The following ERBB4 variants were observed in gnomAD, a reference collection of about 807,000 sequenced individuals.
The protein encoded by ERBB4 is erb-b2 receptor tyrosine kinase 4.
A neutral mutation model predicts 158.0 loss-of-function variants in ERBB4; 42 were observed. That is an observed-to-expected ratio of 0.27 (90% CI 0.21 to 0.34). The LOEUF is 0.34. Ranked by LOEUF, ERBB4 falls within the 10% of genes least tolerant of loss-of-function variation. ERBB4 has a pLI of 1.00. For missense variants in ERBB4, 1,333 were observed against 1,624.1 expected (o/e 0.82, Z 3.08); for synonymous variants, 583 against 558.7 (o/e 1.04, Z -0.61).
At chr2:211,702,328 T>A (rs971353191) in intron 11 of ERBB4, among the ~76,000 whole-genome samples, 162 bp from the exon 12 acceptor site, 1 of 152,224 alleles carries the variant, frequency 6.6e-6, no homozygotes, top group Non-Finnish European at 1.5e-5. Flanking sequence ...ATACAGTTTT[T>A]AAAGTAATAA....
chr2:211,780,177 C>G (rs181308927), intron 4 of ERBB4, among the ~76,000 whole-genome samples: 15 of 151,806 alleles, frequency 9.9e-5, no homozygotes, highest in Non-Finnish European at 2.2e-4. Flanking sequence ...GCCTGGGTAA[C>G]GTAGGGAGAG....
intron 20 of ERBB4, among the ~76,000 whole-genome samples, chr2:211,455,530 T>G (rs761838188): frequency 6.6e-5 from 10 of 152,208 alleles, no homozygotes; most frequent in Non-Finnish European, 1.3e-4. Context: ...AAGCTTCAAA[T>G]GTCTATATGC....
chr2:212,453,070 G>A (rs11689233), intron 1 of ERBB4, among the ~76,000 whole-genome samples: 23,362 of 152,000 alleles, frequency 0.15, 1,966 homozygotes, highest in African/African-American at 0.19. Context: ...CAAATCACTC[G>A]ACTAGTCAAA....
chr2:211,426,605 CA>C (rs909247085), intron 22 of ERBB4, among the ~76,000 whole-genome samples: 1 of 151,844 alleles, frequency 6.6e-6, no homozygotes, highest in African/African-American at 2.4e-5. Flanking sequence ...AGATTTTCCC[CA>C]AAAGACAAAT....
intron 21 of ERBB4, among the ~76,000 whole-genome samples, chr2:211,430,739 T>C (rs1001269178): frequency 1.3e-5 from 2 of 150,364 alleles, no homozygotes; most frequent in South Asian, 2.2e-4. Context: ...GCTGGTAATA[T>C]ATGGTATATA....
intron 3 of ERBB4, among the ~76,000 whole-genome samples, chr2:211,918,158 T>C (rs115356040): frequency 5.3e-5 from 8 of 152,280 alleles, no homozygotes; most frequent in East Asian, 1.9e-4. Flanking sequence ...GAGAAAGCTC[T>C]CAGGGATCAG....
chr2:212,233,995 TATTATTATG>T (rs1158606418), intron 1 of ERBB4, among the ~76,000 whole-genome samples: 1 of 141,816 alleles, frequency 7.1e-6, no homozygotes, highest in Non-Finnish European at 1.6e-5. Context: ...TTATTATTAT[TATTATTATG>T]CTTTAAGTCT....
intron 1 of ERBB4, among the ~76,000 whole-genome samples, chr2:212,409,805 G>A (rs931605878): frequency 6.6e-6 from 1 of 152,022 alleles, no homozygotes; most frequent in Non-Finnish European, 1.5e-5. Context: ...TGAAAATGTT[G>A]ATCATTATGG....
chr2:212,054,006 G>A (rs972948738), intron 2 of ERBB4, among the ~76,000 whole-genome samples: 4 of 152,104 alleles, frequency 2.6e-5, no homozygotes, highest in African/African-American at 7.2e-5. Context: ...AACAGAAGAG[G>A]GGAGAAAATC....
intron 2 of ERBB4, among the ~76,000 whole-genome samples, chr2:211,995,686 T>C (rs1172167478): frequency 1.3e-5 from 2 of 152,164 alleles, no homozygotes; most frequent in Non-Finnish European, 2.9e-5. Flanking sequence ...TTACTGCTTG[T>C]ATCTCAGGTA....
At chr2:212,423,668 G>T (rs377565796) in intron 1 of ERBB4, among the ~76,000 whole-genome samples, 1 of 152,264 alleles carries the variant, frequency 6.6e-6, no homozygotes, top group East Asian at 1.9e-4. Flanking sequence ...AAAAATAATT[G>T]TAATACTGCA....
chr2:211,739,965 G>T (rs560533338), intron 5 of ERBB4, among the ~76,000 whole-genome samples: 3 of 152,252 alleles, frequency 2.0e-5, no homozygotes, highest in African/African-American at 7.2e-5. Context: ...AAATATTGTA[G>T]CTTGATTCTT....
intron 16 of ERBB4, 163 bp downstream of exon 16, chr2:211,657,591 T>G: frequency 1.5e-6 from 1 of 666,036 alleles, no homozygotes; most frequent in Non-Finnish European, 2.7e-6. Context: ...AGTAAGAAAG[T>G]TGGCTTGAGA....
chr2:212,203,404 GA>G (rs2082644438), intron 1 of ERBB4, among the ~76,000 whole-genome samples: 1 of 152,158 alleles, frequency 6.6e-6, no homozygotes, highest in African/African-American at 2.4e-5. Context: ...GAAGTTGAGT[GA>G]AGGAGAAGGC....
At chr2:212,232,499 C>G (rs1248907164) in intron 1 of ERBB4, among the ~76,000 whole-genome samples, 1 of 152,154 alleles carries the variant, frequency 6.6e-6, no homozygotes, top group Non-Finnish European at 1.5e-5. Context: ...ACCTCTGTCT[C>G]CTGTGTTCAA....
At chr2:211,969,655 T>G (rs993093256) in intron 2 of ERBB4, among the ~76,000 whole-genome samples, 4 of 152,066 alleles carry the variant, frequency 2.6e-5, no homozygotes, top group African/African-American at 9.6e-5. Flanking sequence ...CATTGCTTAA[T>G]TAGACTTCTC....
chr2:212,413,900 C>G (rs1006645064), intron 1 of ERBB4, among the ~76,000 whole-genome samples: 2 of 151,984 alleles, frequency 1.3e-5, no homozygotes, highest in Non-Finnish European at 2.9e-5. Context: ...AGAGTACAGC[C>G]TACTCAAGTC....
At chr2:211,932,203 C>T (rs986958918) in intron 3 of ERBB4, among the ~76,000 whole-genome samples, 1 of 151,934 alleles carries the variant, frequency 6.6e-6, no homozygotes, top group African/African-American at 2.4e-5. Context: ...AATTCTCAGG[C>T]CAAATTTAAA....
chr2:212,346,848 A>C (rs1273036945), intron 1 of ERBB4, among the ~76,000 whole-genome samples: 1 of 152,158 alleles, frequency 6.6e-6, no homozygotes, highest in Non-Finnish European at 1.5e-5. Flanking sequence ...GAAATAAATA[A>C]TTAATAGACC....
Sources: allele counts gnomAD v4.1 joint callset (sites outside exome capture counted in the v4.1 genomes callset), GRCh38; gene constraint gnomAD v4.1.1; transcripts MANE v1.5; gene names NCBI Gene and HGNC (gene_info 2026-07-23, HGNC 2026-07-21).